The following TBC1D31 variants were observed in gnomAD, a reference collection of about 807,000 sequenced individuals.
The protein encoded by TBC1D31 is TBC1 domain family member 31.
TBC1D31 carries 99 observed loss-of-function variants against 132.9 expected under a neutral mutation model. The ratio of observed to expected loss-of-function variants is 0.74; its 90% CI spans 0.63 to 0.88. TBC1D31 has a LOEUF of 0.88. Among genes scored for constraint, TBC1D31 ranks in the 40% least tolerant of loss-of-function variants. The pLI, the probability that TBC1D31 is intolerant of heterozygous loss-of-function variation, is 0.00. For synonymous variants in TBC1D31, 385 were observed against 419.4 expected (o/e 0.92, Z 1.00); for missense variants, 1,134 against 1,256.6 (o/e 0.90, Z 1.48).
rs943153072 is a variant in TBC1D31 at position 123,142,542 on chromosome 8, G to T, written c.2835+86G>T. ...AGACAGAGTCTCACTTTGTTGTACA[G>T]CCTCGAAATTCAAACTCGGGGCCTT... On this transcript the variant is annotated intron_variant, in intron 19 of 21. Coordinates refer to ENST00000287380, the MANE Select transcript of TBC1D31 (RefSeq NM_145647.4). 6.1e-5 allele frequency: 71 copies of T among 1,161,196 alleles called. 1 individual carries two copies. In the Admixed American group the frequency reaches 2.3e-3, roughly 38 times the overall value. The allele number at this position is 1,161,196 out of a possible 1,614,324, so 71.9% of individuals were successfully genotyped here. A position where few individuals can be genotyped will look rare whatever the true frequency, so the allele number is the denominator to read the frequency against.
the TBC1D31 span, among the ~76,000 whole-genome samples, chr8:123,157,824 C>T: frequency 1.3e-5 from 2 of 152,150 alleles, no homozygotes; most frequent in East Asian, 3.9e-4. Context: ...CCACGGCCGC[C>T]TGCAGCTCCT....
intron 2 of TBC1D31, among the ~76,000 whole-genome samples, chr8:123,079,940 A>G (rs1814961777): frequency 6.6e-6 from 1 of 152,178 alleles, no homozygotes; most frequent in South Asian, 2.1e-4. Context: ...CTCTCCTGAG[A>G]TATTGCACCA....
At chr8:123,081,963 A>G (rs1216032630) in intron 2 of TBC1D31, among the ~76,000 whole-genome samples, 1 of 152,202 alleles carries the variant, frequency 6.6e-6, no homozygotes, top group Non-Finnish European at 1.5e-5. Context: ...TATTATCAAG[A>G]TTAATTTTAC....
the TBC1D31 span, among the ~76,000 whole-genome samples, chr8:123,157,512 G>A: frequency 6.6e-6 from 1 of 152,124 alleles, no homozygotes; most frequent in African/African-American, 2.4e-5. Flanking sequence ...CACGGAGAAG[G>A]GGGATTTTTC....
chr8:123,102,316 A>G (rs781234494), intron 7 of TBC1D31: 1 of 455,452 alleles, frequency 2.2e-6, no homozygotes, highest in East Asian at 7.0e-5. Flanking sequence ...AATTCTTCCA[A>G]GATTACATGA....
the TBC1D31 span, among the ~76,000 whole-genome samples, chr8:123,162,223 G>A: frequency 1.3e-5 from 2 of 151,732 alleles, no homozygotes; most frequent in African/African-American, 2.4e-5. Context: ...GTTTGAATGC[G>A]TTCATTGATC....
chr8:123,073,436 G>A (rs1347934020), intron 1 of TBC1D31: 1 of 456,074 alleles, frequency 2.2e-6, no homozygotes, highest in Non-Finnish European at 4.4e-6. Flanking sequence ...CGGCGTGTAT[G>A]TAGGGGCTGG....
chr8:123,090,619 T>G (rs946709070), intron 4 of TBC1D31, among the ~76,000 whole-genome samples: 1 of 152,276 alleles, frequency 6.6e-6, no homozygotes, highest in African/African-American at 2.4e-5. Context: ...TTGCTAATAT[T>G]AGTATCCTAA....
chr8:123,140,273 A>T (rs1164714051), intron 17 of TBC1D31, among the ~76,000 whole-genome samples: 1 of 152,148 alleles, frequency 6.6e-6, no homozygotes, highest in African/African-American at 2.4e-5. Context: ...GAGGCAGGAG[A>T]ATCACTTGAA....
At chr8:123,128,829 T>G (rs1470716643) in intron 14 of TBC1D31, among the ~76,000 whole-genome samples, 5 of 151,098 alleles carry the variant, frequency 3.3e-5, no homozygotes, top group African/African-American at 1.2e-4. Context: ...TGAGCGGAGA[T>G]CATGCCATTG....
Position 123,151,837 on chromosome 8 carries a change from C to A in TBC1D31, c.3099C>A (p.Asp1033Glu). 1 of 1,574,570 alleles carries A rather than the reference C, an allele frequency of 6.4e-7. No homozygotes were observed. Among genetic ancestry groups the A allele is most frequent in the South Asian group, 1.2e-5 (1 of 81,514 alleles). ...TAAATAGAAGAGCAGTAGAATGGGA[C>A]ACCACGGGACAGAATCTTATTAAGA... ...ISLNRRAVEWDTTGQNLIKKV... is the reference protein window; with the variant it reads ...ISLNRRAVEWETTGQNLIKKV... The change falls in exon 22 of 22, where the codon GAC (aspartate) becomes GAA (glutamate). Residue 1033 changes from aspartate to glutamate, a missense_variant. Physicochemically the swap from Asp to Glu is conservative, Grantham distance 45. Coordinates refer to ENST00000287380, the MANE Select transcript of TBC1D31 (RefSeq NM_145647.4).
downstream of TBC1D31, among the ~76,000 whole-genome samples, chr8:123,154,912 A>G (rs1563767718): frequency 6.6e-6 from 1 of 152,216 alleles, no homozygotes; most frequent in Non-Finnish European, 1.5e-5. Flanking sequence ...TTTCTCCTGC[A>G]GTGTCCTTCC....
intron 4 of TBC1D31, among the ~76,000 whole-genome samples, chr8:123,090,475 C>T (rs550923731): frequency 6.6e-6 from 1 of 152,184 alleles, no homozygotes; most frequent in East Asian, 1.9e-4. Context: ...TGTGGTTCAG[C>T]AGGTATCAGA....
chr8:123,100,604 A>AT (rs1326440675), intron 6 of TBC1D31, among the ~76,000 whole-genome samples: 111 of 151,440 alleles, frequency 7.3e-4, no homozygotes, highest in Middle Eastern at 3.4e-3. Flanking sequence ...AATAATAATA[A>AT]AATAAAATAT....
chr8:123,161,949 C>T, the TBC1D31 span, among the ~76,000 whole-genome samples: 29 of 131,794 alleles, frequency 2.2e-4, no homozygotes, highest in Non-Finnish European at 3.7e-4. Context: ...ACCCGAGAGG[C>T]GGAGGTTGCA....
chr8:123,105,324 C>T lies in TBC1D31; in HGVS notation c.1069C>T (p.Pro357Ser), dbSNP rs1204797318. 3.1e-6 allele frequency: 5 copies of T among 1,591,370 alleles called. No homozygotes were observed. Among genetic ancestry groups the T allele is most frequent in the Non-Finnish European group, 4.3e-6 (5 of 1,168,182 alleles). ...PPLVKVIEDL[P>S]KNKLSSSDLK... The stretch of plus-strand genomic sequence containing the variant: ...TTTAGTGAAAGTTATTGAAGATTTG[C>T]CCAAGAATAAACTGAGTTCCAGTGA... The change falls in exon 8 of 22, where the codon CCC (proline) becomes TCC (serine). Residue 357 changes from proline (P) to serine (S), a missense_variant. By Grantham distance (74) the Pro-to-Ser change is moderately conservative (BLOSUM62 -1). Transcript: ENST00000287380.
At chr8:123,090,452 G>T (rs375533280) in intron 4 of TBC1D31, among the ~76,000 whole-genome samples, 4 of 152,114 alleles carry the variant, frequency 2.6e-5, no homozygotes, top group Non-Finnish European at 5.9e-5. Flanking sequence ...GAATCCCCGG[G>T]ATTTGTGATT....
At chr8:123,112,508 C>T (rs1818546410) in intron 10 of TBC1D31, among the ~76,000 whole-genome samples, 1 of 152,138 alleles carries the variant, frequency 6.6e-6, no homozygotes, top group Non-Finnish European at 1.5e-5. Flanking sequence ...TTTCTGTACT[C>T]TGCTTTTTAA....
At chr8:123,161,378 A>T in the TBC1D31 span, among the ~76,000 whole-genome samples, 1 of 152,112 alleles carries the variant, frequency 6.6e-6, no homozygotes, top group East Asian at 1.9e-4. Flanking sequence ...CCTTCCTCCC[A>T]GCTAAGCGCC....
Sources: allele counts gnomAD v4.1 joint callset (sites outside exome capture counted in the v4.1 genomes callset), GRCh38; gene constraint gnomAD v4.1.1; transcripts MANE v1.5; gene names NCBI Gene and HGNC (gene_info 2026-07-23, HGNC 2026-07-21).